EPB41L3: variants seen among roughly 807,000 people sequenced by gnomAD.
The protein encoded by EPB41L3 is band 4.1-like protein 3.
Under a neutral mutation model 127.1 loss-of-function variants are expected in EPB41L3, and 57 were observed. The ratio of observed to expected loss-of-function variants is 0.45; its 90% confidence interval spans 0.36 to 0.56. The LOEUF is 0.56. Among genes scored for constraint, EPB41L3 ranks in the 20% least tolerant of loss-of-function variants. The pLI is 0.00. For missense variants in EPB41L3, 1,273 were observed against 1,372.2 expected, an observed-to-expected ratio of 0.93 and a Z score of 1.14; for synonymous variants, 572 against 549.5, an observed-to-expected ratio of 1.04 and a Z score of -0.57.
intron 5 of EPB41L3, 134 bp downstream of exon 5, chr18:5,443,704 G>A (rs962582326): frequency 2.2e-5 from 14 of 638,770 alleles, no homozygotes; most frequent in African/African-American, 1.5e-4. Context: ...GAATACTATC[G>A]GAATTGCCAG....
chr18:5,577,233 G>A (rs1210519118), intron 3 of EPB41L3: 13 of 276,992 alleles, frequency 4.7e-5, no homozygotes, highest in Non-Finnish European at 2.1e-5. Flanking sequence ...TTTACATGTG[G>A]ATTTTGTTTA....
intron 2 of EPB41L3, among the ~76,000 whole-genome samples, chr18:5,487,249 T>C (rs553525448): frequency 1.3e-5 from 2 of 152,156 alleles, no homozygotes; most frequent in South Asian, 2.1e-4. Context: ...TACTGCATCT[T>C]CTCACTCATA....
intron 1 of EPB41L3, among the ~76,000 whole-genome samples, chr18:5,627,544 A>G (rs1160587239): frequency 6.6e-6 from 1 of 152,218 alleles, no homozygotes; most frequent in Non-Finnish European, 1.5e-5. Context: ...CATGAGGACC[A>G]GTGTGCATGG....
intron 3 of EPB41L3, among the ~76,000 whole-genome samples, chr18:5,465,052 G>A (rs148218990): frequency 2.6e-5 from 4 of 152,294 alleles, no homozygotes; most frequent in Non-Finnish European, 5.9e-5. Flanking sequence ...ATTCAGGCTT[G>A]TTAAACACCT....
rs1054956720 is a variant in EPB41L3, at chr18:5,416,078, C to T, written c.1807G>A (p.Asp603Asn). Residue 603 changes from aspartate (D) to asparagine (N), a missense_variant, in exon 13 of 23, where the codon GAT (aspartate) becomes AAT (asparagine). This residue lies in a region of EPB41L3 where 765 missense variants were observed against 782.9 expected (regional missense o/e 0.98). Coordinates refer to ENST00000341928, the MANE Select transcript of EPB41L3 (RefSeq NM_012307.5). ...PESFPSLLDDDGYLSFPNLSE... is the reference protein window; with the variant it reads ...PESFPSLLDDNGYLSFPNLSE... Reference sequence around the variant, plus strand: ...AGGTTGGGGAAAGAGAGGTATCCATCATCATCTAGGAGGGAGGGGAATGAC... The same window carrying T: ...AGGTTGGGGAAAGAGAGGTATCCATTATCATCTAGGAGGGAGGGGAATGAC... 1 of 1,612,918 alleles carries T rather than the reference C, an allele frequency of 6.2e-7. No individual in the cohort carries two copies. Among genetic ancestry groups the T allele is most frequent in the Non-Finnish European group, 8.5e-7 (1 of 1,179,302 alleles).
intron 14 of EPB41L3, among the ~76,000 whole-genome samples, chr18:5,410,293 C>T (rs1180370286): frequency 2.6e-5 from 4 of 151,916 alleles, no homozygotes; most frequent in African/African-American, 7.3e-5. Context: ...GAGTCAATAT[C>T]GCCTGGGAAC....
At chr18:5,421,060 C>T (rs1216113388) in intron 11 of EPB41L3, among the ~76,000 whole-genome samples, 1 of 152,142 alleles carries the variant, frequency 6.6e-6, no homozygotes, top group East Asian at 1.9e-4. Flanking sequence ...TGCAGCTGTG[C>T]CACCCAGCTC....
intron 2 of EPB41L3, among the ~76,000 whole-genome samples, chr18:5,480,625 C>G (rs2088264876): frequency 6.6e-6 from 1 of 152,194 alleles, no homozygotes; most frequent in South Asian, 2.1e-4. Context: ...GGAAGAATCT[C>G]AGAAATTATC....
At chr18:5,500,500 G>C (rs1288984195) in intron 1 of EPB41L3, among the ~76,000 whole-genome samples, 1 of 152,134 alleles carries the variant, frequency 6.6e-6, no homozygotes, top group Non-Finnish European at 1.5e-5. Flanking sequence ...ATAGGGAAAA[G>C]GTTATGGCAA....
At chr18:5,497,615 A>G (rs2091296539) in intron 1 of EPB41L3, among the ~76,000 whole-genome samples, 1 of 152,216 alleles carries the variant, frequency 6.6e-6, no homozygotes, top group Non-Finnish European at 1.5e-5. Flanking sequence ...TCAAGTTTCA[A>G]CAATTATTCT....
chr18:5,478,021 T>C (rs192797476), intron 3 of EPB41L3, among the ~76,000 whole-genome samples: 119 of 152,342 alleles, frequency 7.8e-4, no homozygotes, highest in Middle Eastern at 3.4e-3. Flanking sequence ...TTAAAAAATA[T>C]AAGGTCACAG....
rs1318506171 is a variant in EPB41L3 at position 5,537,545 on chromosome 18, ATTC to A, written c.-12+6365_-12+6367del. ...TCCTACACTTATCACCAGAAAAAATATTCTTCTTCCCTACTCAACCACTTTCAA... is the reference window on the plus strand; with the variant it reads ...TCCTACACTTATCACCAGAAAAAATATTCTTCCCTACTCAACCACTTTCAA... On this transcript the variant is annotated intron_variant, in intron 1 of 22. Coordinates refer to ENST00000341928, the MANE Select transcript of EPB41L3 (RefSeq NM_012307.5). Among the ~76,000 whole-genome samples the A allele has an allele frequency of 1.1e-4, 17 of 152,250 alleles. No homozygotes were observed. The South Asian group carries it at 3.1e-3, about 28-fold the overall frequency.
rs201907753 is a variant in EPB41L3 at position 5,445,165 on chromosome 18, G to A, written c.461C>T (p.Thr154Met). 6.1e-5 allele frequency: 98 copies of A among 1,613,852 alleles called. 1 individual carries two copies. The highest frequency in any genetic ancestry group is 4.1e-4 in the African/African-American group (31 of 74,898). ...NLLEKDYFGL[T>M]YRDAENQKNW... ...CTTCTGGTTTTCAGCATCTCGATAC[G>A]TAAGCCCAAAGTAGTCTTTCTCTAG... Residue 154 changes from threonine (T) to methionine (M), a missense_variant, in exon 4 of 23, where the codon ACG becomes ATG. Physicochemically the swap from Thr to Met is moderately conservative, Grantham distance 81 (BLOSUM62 -1). Around this residue, in one of 3 missense-constraint regions of EPB41L3, gnomAD observed 326 missense variants for 440.2 expected, o/e 0.74. Coordinates refer to ENST00000341928, the MANE Select transcript of EPB41L3 (RefSeq NM_012307.5).
At chr18:5,528,162 G>A (rs1447056805) in intron 1 of EPB41L3, among the ~76,000 whole-genome samples, 1 of 151,938 alleles carries the variant, frequency 6.6e-6, no homozygotes, top group Non-Finnish European at 1.5e-5. Context: ...TAGCAATTTA[G>A]GGTTGTTTTT....
chr18:5,479,074 C>T (rs1406193811), intron 2 of EPB41L3, among the ~76,000 whole-genome samples: 2 of 152,212 alleles, frequency 1.3e-5, no homozygotes, highest in African/African-American at 2.4e-5. Flanking sequence ...TGTCCAATAG[C>T]TTTAATCTGC....
chr18:5,548,481 A>T (rs2093917254), upstream of EPB41L3, among the ~76,000 whole-genome samples: 1 of 152,218 alleles, frequency 6.6e-6, no homozygotes, highest in Non-Finnish European at 1.5e-5. Flanking sequence ...TGCTAACACC[A>T]TTTAAAATCA....
rs545102684 is a variant in EPB41L3, at chr18:5,556,986, G to A, written c.-306+55354C>T. Among the ~76,000 whole-genome samples the A allele has an allele frequency of 1.4e-4, 20 of 146,562 alleles. 1 individual carries two copies. The highest frequency in any genetic ancestry group is 1.4e-3 in the East Asian group (7 of 5,168). On this transcript the variant is annotated intron_variant, in intron 3 of 21. Transcript: ENST00000545076. ...TCTGCCAGCACAGCTGGGGGGCCCC[G>A]GGGGTCTCCCTCCTTCCTCTCACCT... is the stretch of plus-strand genomic sequence containing the variant.
At chr18:5,433,406 G>T in intron 8 of EPB41L3, 63 bp downstream of exon 8, 1 of 1,182,322 alleles carries the variant, frequency 8.5e-7, no homozygotes, top group Non-Finnish European at 1.2e-6. Flanking sequence ...CCAGCTTACA[G>T]TAATAACAAC....
Position 5,415,839 on chromosome 18 carries a change from C to T in EPB41L3, c.2046G>A (p.Pro682=), listed in dbSNP as rs549355143. 4.6e-5 allele frequency: 74 copies of T among 1,612,720 alleles called. No homozygotes were observed. Among genetic ancestry groups the T allele is most frequent in the Admixed American group, 4.3e-4 (26 of 60,002 alleles). ...ACACCTCTTCCTCTGAACTGTCACT[C>T]GGGTCATTGTCTAGGGAGGCGCTCA... The part of the protein sequence containing the change: ...ASLSASLDND[P]SDSSEEETDS... Residue 682 remains proline, a synonymous_variant, in exon 13 of 23, where the codon CCG becomes CCA. Transcript: ENST00000341928.
Sources: gnomAD v4.1 joint callset for allele counts (sites outside exome capture counted in the v4.1 genomes callset) on GRCh38, gnomAD v4.1.1 for gene constraint, gnomAD v4.1.1 regional missense constraint, MANE v1.5 for transcripts, NCBI Gene and HGNC (gene_info 2026-07-23, HGNC 2026-07-21) for gene names.